DLGAP2: variants seen among roughly 807,000 people sequenced by gnomAD.
The protein encoded by DLGAP2 is DLG associated protein 2, also known as disks large-associated protein 2.
In DLGAP2, 26 loss-of-function variants were observed where a neutral mutation model predicts 100.3. The ratio of observed to expected loss-of-function variants is 0.26; its 90% confidence interval spans 0.19 to 0.36. DLGAP2 has a LOEUF of 0.36. DLGAP2 is among the 10% of genes least tolerant of loss of function. The probability of loss-of-function intolerance (pLI) is 1.00; values close to 1 mark genes in which losing one functional copy is unlikely to be tolerated. For synonymous variants in DLGAP2, 886 were observed against 630.1 expected, an observed-to-expected ratio of 1.41 and a Z score of -6.08; for missense variants, 1,858 against 1,453.2, an observed-to-expected ratio of 1.28 and a Z score of -4.53.
intron 4 of DLGAP2, among the ~76,000 whole-genome samples, chr8:1,539,253 T>G (rs993483457): frequency 3.9e-5 from 6 of 152,190 alleles, no homozygotes; most frequent in African/African-American, 9.7e-5. Context: ...CTGAGAGAGC[T>G]CAGGCAGCAC....
chr8:990,222 T>C (rs949207164), intron 2 of DLGAP2, among the ~76,000 whole-genome samples: 3 of 152,004 alleles, frequency 2.0e-5, no homozygotes, highest in Non-Finnish European at 4.4e-5. Flanking sequence ...TCACCTGTTA[T>C]ATTTGTGTCG....
At chr8:1,172,171 G>A (rs1362968544) in intron 2 of DLGAP2, among the ~76,000 whole-genome samples, 1 of 151,792 alleles carries the variant, frequency 6.6e-6, no homozygotes, top group African/African-American at 2.4e-5. Context: ...ATGAAATTCT[G>A]GGTTGAAAAT....
chr8:1,139,835 A>T (rs1256456878), intron 2 of DLGAP2, among the ~76,000 whole-genome samples: 1 of 151,952 alleles, frequency 6.6e-6, no homozygotes, highest in East Asian at 1.9e-4. Context: ...TTTAATTCTC[A>T]TAAGGGGTCT....
chr8:1,696,422 C>G (rs1351366414), intron 13 of DLGAP2, among the ~76,000 whole-genome samples: 1 of 152,168 alleles, frequency 6.6e-6, no homozygotes, highest in Non-Finnish European at 1.5e-5. Context: ...ATCCCTTCAG[C>G]CCAGGAGGTA....
chr8:1,661,780 G>C (rs1798414419), intron 8 of DLGAP2, among the ~76,000 whole-genome samples: 1 of 152,172 alleles, frequency 6.6e-6, no homozygotes, highest in African/African-American at 2.4e-5. Flanking sequence ...AACTTTCTCA[G>C]GTTTCAAGAC....
chr8:1,107,009 G>A (rs919797309), intron 2 of DLGAP2, among the ~76,000 whole-genome samples: 1 of 152,106 alleles, frequency 6.6e-6, no homozygotes, highest in African/African-American at 2.4e-5. Context: ...CTATTAAACC[G>A]CACCTGTATA....
At position 1,549,485 on chromosome 8, in the gene DLGAP2, G is replaced by C. The variant is rs1320735829; in HGVS notation, c.1032G>C (p.Lys344Asn). Residue 344 changes from lysine to asparagine, a missense_variant, in exon 5 of 15, where the codon AAG becomes AAC. Physicochemically the swap from Lys to Asn is moderately conservative, Grantham distance 94. Transcript: ENST00000637795. The stretch of plus-strand genomic sequence containing the variant: ...GGGACCTGTCCCTCAAGACCTCCAA[G>C]AGCAACAACGACGTCAAGTGCTCGG... ...PFGDLSLKTS[K>N]SNNDVKCSAC... The C allele has an allele frequency of 6.2e-6, 10 of 1,613,444 alleles. No homozygotes were observed. The highest frequency in any genetic ancestry group is 5.1e-6 in the Non-Finnish European group (6 of 1,179,850).
chr8:1,584,386 C>T (rs796269081), intron 6 of DLGAP2, among the ~76,000 whole-genome samples: 4 of 152,208 alleles, frequency 2.6e-5, no homozygotes, highest in African/African-American at 7.2e-5. Context: ...CCAGACTCCT[C>T]GTGCATGCCA....
intron 2 of DLGAP2, among the ~76,000 whole-genome samples, chr8:1,062,129 A>T (rs1319192616): frequency 6.6e-6 from 1 of 151,770 alleles, no homozygotes; most frequent in Non-Finnish European, 1.5e-5. Context: ...TAAAGTGTCC[A>T]TCTCCATGGC....
intron 3 of DLGAP2, among the ~76,000 whole-genome samples, chr8:1,432,998 C>T (rs1797497201): frequency 6.6e-6 from 1 of 152,176 alleles, no homozygotes; most frequent in South Asian, 2.1e-4. Flanking sequence ...GGCGGCTGGA[C>T]CTCCATGGAG....
At chr8:848,410 G>C (rs1466507468) in intron 1 of DLGAP2, among the ~76,000 whole-genome samples, 35 of 107,636 alleles carry the variant, frequency 3.3e-4, no homozygotes, top group Non-Finnish European at 4.1e-4. Flanking sequence ...AGGGTCGTGC[G>C]GTGCCTGTTC....
intron 6 of DLGAP2, among the ~76,000 whole-genome samples, chr8:1,617,770 A>C (rs1797204475): frequency 6.6e-6 from 1 of 152,230 alleles, no homozygotes; most frequent in Admixed American, 6.5e-5. Context: ...CAACCACTCA[A>C]ATATTAACGC....
chr8:769,668 G>A (rs1215304067), intron 1 of DLGAP2, among the ~76,000 whole-genome samples: 1 of 152,074 alleles, frequency 6.6e-6, no homozygotes, highest in African/African-American at 2.4e-5. Flanking sequence ...TTATGTGTTT[G>A]CACATCCTAG....
chr8:917,297 G>A (rs1798615603), intron 2 of DLGAP2, among the ~76,000 whole-genome samples: 1 of 149,464 alleles, frequency 6.7e-6, no homozygotes, highest in South Asian at 2.1e-4. Flanking sequence ...GGAGTGCAGT[G>A]GTGCAACCAC....
chr8:1,524,013 A>C (rs1173367870), intron 4 of DLGAP2, among the ~76,000 whole-genome samples: 1 of 152,216 alleles, frequency 6.6e-6, no homozygotes, highest in Non-Finnish European at 1.5e-5. Flanking sequence ...GCATCAGATC[A>C]GCTGTGCTGT....
At chr8:1,284,807 C>T (rs886513281) in intron 3 of DLGAP2, among the ~76,000 whole-genome samples, 8 of 152,156 alleles carry the variant, frequency 5.3e-5, no homozygotes, top group African/African-American at 1.9e-4. Context: ...GATGAGGTCT[C>T]ACTGTGTTGC....
chr8:1,037,468 T>G (rs1802167104), intron 2 of DLGAP2, among the ~76,000 whole-genome samples: 1 of 152,156 alleles, frequency 6.6e-6, no homozygotes, highest in African/African-American at 2.4e-5. Flanking sequence ...GTGGCCTGGC[T>G]GCTGTGCACT....
intron 4 of DLGAP2, among the ~76,000 whole-genome samples, chr8:1,525,355 T>G (rs777829401): frequency 2.0e-5 from 3 of 152,210 alleles, no homozygotes; most frequent in South Asian, 4.1e-4. Flanking sequence ...TTTATTTTAG[T>G]TGGATTTTTC....
intron 3 of DLGAP2, among the ~76,000 whole-genome samples, chr8:1,307,569 C>T (rs1800519012): frequency 6.6e-6 from 1 of 152,172 alleles, no homozygotes; most frequent in South Asian, 2.1e-4. Context: ...TATACTCATG[C>T]TCAAGCAGTA....
Sources: gnomAD v4.1 joint callset for allele counts (sites outside exome capture counted in the v4.1 genomes callset) on GRCh38, gnomAD v4.1.1 for gene constraint, MANE v1.5 for transcripts, NCBI Gene and HGNC (gene_info 2026-07-23, HGNC 2026-07-21) for gene names.